The following PTPRD variants were observed in gnomAD, a reference collection of about 807,000 sequenced individuals.
PTPRD encodes the protein protein tyrosine phosphatase receptor type D.
A neutral mutation model predicts 214.5 loss-of-function variants in PTPRD; 34 were observed. The ratio of observed to expected loss-of-function variants is 0.16; its 90% CI spans 0.12 to 0.21. PTPRD has a LOEUF of 0.21. PTPRD is among the 10% of genes least tolerant of loss of function. The probability of loss-of-function intolerance (pLI) is 1.00; values close to 1 mark genes in which losing one functional copy is unlikely to be tolerated. For synonymous variants in PTPRD, 1,128 were observed against 845.7 expected (o/e 1.33, Z -5.79); for missense variants, 2,545 against 2,398.7 (o/e 1.06, Z -1.27).
intron 4 of PTPRD, among the ~76,000 whole-genome samples, chr9:10,018,190 G>A (rs2096763212): frequency 8.6e-6 from 1 of 116,216 alleles, no homozygotes. Context: ...AGGGGAAGAG[G>A]AGGAGAGAGA....
chr9:10,431,340 A>C (rs2098676159), intron 2 of PTPRD, among the ~76,000 whole-genome samples: 1 of 152,030 alleles, frequency 6.6e-6, no homozygotes, highest in Non-Finnish European at 1.5e-5. Flanking sequence ...CCCTAGAAGA[A>C]AACCTAGGCA....
At chr9:10,032,033 A>G (rs2097090883) in intron 4 of PTPRD, among the ~76,000 whole-genome samples, 1 of 152,074 alleles carries the variant, frequency 6.6e-6, no homozygotes, top group African/African-American at 2.4e-5. Context: ...TTAACATCCT[A>G]CCTGCCTAGT....
At chr9:9,553,745 T>C (rs751760859) in intron 8 of PTPRD, among the ~76,000 whole-genome samples, 5 of 152,096 alleles carry the variant, frequency 3.3e-5, no homozygotes, top group Non-Finnish European at 7.4e-5. Context: ...TATTAAGTTT[T>C]ATACTTGGAA....
intron 3 of PTPRD, among the ~76,000 whole-genome samples, chr9:10,153,965 A>G (rs2099077987): frequency 6.6e-6 from 1 of 152,074 alleles, no homozygotes; most frequent in Non-Finnish European, 1.5e-5. Flanking sequence ...ATGTATTTTT[A>G]TGATAGAATG....
At chr9:9,223,362 AGG>A (rs2099957409) in intron 9 of PTPRD, among the ~76,000 whole-genome samples, 1 of 151,988 alleles carries the variant, frequency 6.6e-6, no homozygotes, top group Non-Finnish European at 1.5e-5. Flanking sequence ...TCTTTATTAT[AGG>A]AAGCTCTTTT....
chr9:8,832,622 G>C (rs1425443631), intron 11 of PTPRD, among the ~76,000 whole-genome samples: 2 of 152,028 alleles, frequency 1.3e-5, no homozygotes, highest in Middle Eastern at 3.2e-3. Flanking sequence ...CACTATGTGT[G>C]TTTTGTTAAC....
At chr9:8,472,453 A>G (rs1471934021) in intron 30 of PTPRD, among the ~76,000 whole-genome samples, 2 of 152,154 alleles carry the variant, frequency 1.3e-5, no homozygotes, top group East Asian at 1.9e-4. Context: ...AACCTGTAAT[A>G]AACTCAGTAA....
At chr9:9,767,831 A>G (rs1320073318) in intron 5 of PTPRD, among the ~76,000 whole-genome samples, 1 of 152,172 alleles carries the variant, frequency 6.6e-6, no homozygotes, top group Non-Finnish European at 1.5e-5. Context: ...TCAGTTCTAG[A>G]AGAAACCTAA....
At chr9:8,486,701 TAATAAG>T (rs1478339843) in intron 27 of PTPRD, among the ~76,000 whole-genome samples, 4 of 152,224 alleles carry the variant, frequency 2.6e-5, no homozygotes, top group African/African-American at 9.7e-5. Flanking sequence ...TAGATATGGC[TAATAAG>T]AATAACTATA....
At chr9:9,658,221 G>C (rs969439908) in intron 7 of PTPRD, among the ~76,000 whole-genome samples, 1 of 152,020 alleles carries the variant, frequency 6.6e-6, no homozygotes, top group African/African-American at 2.4e-5. Flanking sequence ...AACTCTGATG[G>C]TAAAATCATT....
intron 14 of PTPRD, among the ~76,000 whole-genome samples, chr9:8,608,695 A>G (rs997097307): frequency 2.6e-5 from 4 of 152,222 alleles, no homozygotes; most frequent in Non-Finnish European, 4.4e-5. Flanking sequence ...CCATTAGAGT[A>G]CTGACGGCAA....
At chr9:9,538,135 T>C (rs1256262733) in intron 8 of PTPRD, among the ~76,000 whole-genome samples, 1 of 151,906 alleles carries the variant, frequency 6.6e-6, no homozygotes, top group African/African-American at 2.4e-5. Context: ...TCAAAGTATT[T>C]CCTCATATTT....
rs776040231 is a variant in PTPRD, at chr9:8,633,425, G to A, written c.244C>T (p.Leu82Phe). Residue 82 changes from leucine to phenylalanine, a missense_variant, in exon 14 of 46, where the codon CTC becomes TTC. Leu to Phe is a conservative substitution (Grantham distance 22). Coordinates refer to ENST00000381196, the MANE Select transcript of PTPRD (RefSeq NM_002839.4). ...GGAGTCCGTAAGGGTTGTATTCTGA[G>A]AACTGATCCAGACCCATCGTCAAAC... ...IEFDDGSGSV[L>F]RIQPLRTPRD... 2.5e-6 allele frequency: 4 copies of A among 1,612,666 alleles called. No homozygotes were observed. Among genetic ancestry groups the A allele is most frequent in the Non-Finnish European group, 3.4e-6 (4 of 1,179,040 alleles).
At chr9:10,169,679 T>C (rs569852979) in intron 3 of PTPRD, among the ~76,000 whole-genome samples, 1 of 152,230 alleles carries the variant, frequency 6.6e-6, no homozygotes, top group Non-Finnish European at 1.5e-5. Context: ...GACCAACTTC[T>C]ACAACTTCTT....
chr9:9,435,492 G>C (rs1480054116), intron 8 of PTPRD, among the ~76,000 whole-genome samples: 1 of 152,100 alleles, frequency 6.6e-6, no homozygotes, highest in Non-Finnish European at 1.5e-5. Flanking sequence ...CTCCAGCCTG[G>C]ATGACAGAGC....
intron 5 of PTPRD, among the ~76,000 whole-genome samples, chr9:9,904,346 A>T (rs2077067965): frequency 6.6e-6 from 1 of 152,110 alleles, no homozygotes; most frequent in African/African-American, 2.4e-5. Flanking sequence ...CAGGAAAGGG[A>T]ACAAAAAAAC....
chr9:8,848,180 G>T (rs552277943), intron 11 of PTPRD, among the ~76,000 whole-genome samples: 68 of 151,914 alleles, frequency 4.5e-4, no homozygotes, highest in African/African-American at 1.4e-3. Flanking sequence ...GAAAAAAAAG[G>T]TCATCGAATC....
intron 2 of PTPRD, among the ~76,000 whole-genome samples, chr9:10,362,112 G>C (rs575570510): frequency 6.6e-6 from 1 of 152,248 alleles, no homozygotes; most frequent in East Asian, 1.9e-4. Context: ...AGGATCCACT[G>C]GTGGCTGATT....
chr9:9,227,182 C>T (rs17604424), intron 9 of PTPRD, among the ~76,000 whole-genome samples: 29,702 of 151,984 alleles, frequency 0.2, 3,056 homozygotes, highest in African/African-American at 0.25. Flanking sequence ...AGTACAATCA[C>T]GGTCATATGT....
Sources: allele counts gnomAD v4.1 joint callset (sites outside exome capture counted in the v4.1 genomes callset), GRCh38; gene constraint gnomAD v4.1.1; transcripts MANE v1.5; gene names NCBI Gene and HGNC (gene_info 2026-07-23, HGNC 2026-07-21).